The following FSTL5 variants were observed in gnomAD, a reference collection of about 807,000 sequenced individuals.
FSTL5 encodes the protein follistatin like 5, also known as follistatin-related protein 5.
In FSTL5, 62 loss-of-function variants were observed where a neutral mutation model predicts 89.1. The observed-to-expected ratio is 0.70, with a 90% CI of 0.57 to 0.86. The LOEUF (loss-of-function observed/expected upper bound fraction) is 0.86, where lower values mean the gene tolerates loss of function less well. Among genes scored for constraint, FSTL5 ranks in the 40% least tolerant of loss-of-function variants. FSTL5 has a pLI of 0.00. For missense variants in FSTL5, 1,057 were observed against 1,001.6 expected (o/e 1.06, Z -0.75); for synonymous variants, 383 against 346.2 (o/e 1.11, Z -1.18).
intron 8 of FSTL5, among the ~76,000 whole-genome samples, chr4:161,549,455 T>TGTAGCCGGGTGA (rs1167191420): frequency 2.2e-4 from 34 of 151,886 alleles, no homozygotes; most frequent in Non-Finnish European, 4.9e-4. Flanking sequence ...AATTCCCTGA[T>TGTAGCCGGGTGA]GTAGCCGGGT....
chr4:161,864,640 G>C (rs541115748), intron 4 of FSTL5, among the ~76,000 whole-genome samples: 33 of 152,174 alleles, frequency 2.2e-4, no homozygotes, highest in African/African-American at 5.5e-4. Context: ...GGGAGACTGA[G>C]GTGGACAGAT....
At chr4:161,648,432 A>T (rs1300323966) in intron 7 of FSTL5, among the ~76,000 whole-genome samples, 1 of 152,148 alleles carries the variant, frequency 6.6e-6, no homozygotes, top group Non-Finnish European at 1.5e-5. Context: ...TGTTAAGTGG[A>T]CAAGGGAACT....
intron 4 of FSTL5, among the ~76,000 whole-genome samples, chr4:161,897,279 T>C (rs1324547454): frequency 6.6e-6 from 1 of 151,762 alleles, no homozygotes; most frequent in East Asian, 1.9e-4. Context: ...GATTTATATA[T>C]TCTAATGGTA....
chr4:161,533,131 C>T (rs1026209620), intron 10 of FSTL5, among the ~76,000 whole-genome samples: 6 of 149,772 alleles, frequency 4.0e-5, no homozygotes, highest in African/African-American at 7.4e-5. Flanking sequence ...GTTAGAAAGA[C>T]CTCAAGTTAG....
chr4:161,809,395 T>C (rs1001524443), intron 4 of FSTL5, among the ~76,000 whole-genome samples: 2 of 152,156 alleles, frequency 1.3e-5, no homozygotes, highest in African/African-American at 4.8e-5. Flanking sequence ...GAATGTAAAA[T>C]GATGAAGCTG....
chr4:162,080,085 T>A (rs977044027), intron 2 of FSTL5, among the ~76,000 whole-genome samples: 26 of 151,592 alleles, frequency 1.7e-4, no homozygotes, highest in African/African-American at 6.0e-4. Context: ...TTTGTGCTAC[T>A]TCACATGAGC....
At chr4:161,762,136 A>G (rs1323526800) in intron 5 of FSTL5, among the ~76,000 whole-genome samples, 2 of 152,038 alleles carry the variant, frequency 1.3e-5, no homozygotes, top group East Asian at 3.9e-4. Context: ...TGGTTTAGGT[A>G]CCCAGAATTT....
In FSTL5 at chr4:161,682,077, T is replaced by C. The variant is rs569047455; in HGVS notation, c.728-25583A>G. ...CAATTGTAACACAATGGACAGCATT[T>C]GTGTATCTAAATATTTCTAAACATA... On this transcript the variant is annotated intron_variant, in intron 6 of 15. Transcript: ENST00000306100. 7.2e-5 allele frequency among the ~76,000 whole-genome samples: 11 copies of C among 152,314 alleles called. No individual in the cohort carries two copies. In the East Asian group the frequency reaches 2.1e-3, roughly 29 times the overall value.
intron 1 of FSTL5, among the ~76,000 whole-genome samples, chr4:162,140,729 G>A (rs1277854226): frequency 2.0e-5 from 3 of 152,122 alleles, no homozygotes; most frequent in Non-Finnish European, 2.9e-5. Context: ...TAGAAATAGC[G>A]CTGACTTGTT....
intron 12 of FSTL5, among the ~76,000 whole-genome samples, chr4:161,494,312 A>G (rs560938418): frequency 4.3e-4 from 65 of 152,280 alleles, no homozygotes; most frequent in African/African-American, 1.4e-3. Flanking sequence ...GTTGTATTCA[A>G]AAGGTTACTC....
At chr4:161,462,594 A>G (rs552519507) in intron 13 of FSTL5, among the ~76,000 whole-genome samples, 6 of 152,298 alleles carry the variant, frequency 3.9e-5, no homozygotes, top group South Asian at 2.1e-4. Flanking sequence ...TTTTTCTACA[A>G]TAAAATGGAG....
At chr4:162,036,093 G>C (rs987704866) in intron 2 of FSTL5, among the ~76,000 whole-genome samples, 1 of 151,950 alleles carries the variant, frequency 6.6e-6, no homozygotes, top group African/African-American at 2.4e-5. Context: ...CTTCCATATA[G>C]CTCATTCTTT....
rs374825076 is a variant in FSTL5, at chr4:162,124,035, G to T, written c.-16-12623C>A. ...CAAAAAATACACTAATCTAGGTAGAGTATTCAGATGAGTTCAGAAAATATA... is the reference window on the plus strand; with the variant it reads ...CAAAAAATACACTAATCTAGGTAGATTATTCAGATGAGTTCAGAAAATATA... On this transcript the variant is annotated intron_variant, in intron 1 of 15. Coordinates refer to ENST00000306100, the MANE Select transcript of FSTL5 (RefSeq NM_020116.5). Among the ~76,000 whole-genome samples the T allele has an allele frequency of 2.6e-5, 4 of 152,242 alleles. No individual in the cohort carries two copies. The East Asian group carries it at 5.8e-4, about 22-fold the overall frequency.
chr4:161,680,511 C>CT lies in FSTL5; in HGVS notation c.728-24018dup, dbSNP rs11373017. 5.9e-3 allele frequency among the ~76,000 whole-genome samples: 893 copies of CT among 152,016 alleles called. 9 individuals are homozygous for CT. Among genetic ancestry groups the CT allele is most frequent in the South Asian group, 0.045 (217 of 4,818 alleles). On this transcript the variant is annotated intron_variant, in intron 6 of 15. Transcript: ENST00000306100. Reference sequence around the variant, plus strand: ...AAGTGACAACAACTTTAACTTTTCTCTTTTTGTTCGTTTGTTTTTGTCTTT... The same window carrying CT: ...AAGTGACAACAACTTTAACTTTTCTCTTTTTTGTTCGTTTGTTTTTGTCTTT...
chr4:161,725,840 A>T (rs1274414940), intron 6 of FSTL5, among the ~76,000 whole-genome samples: 1 of 152,222 alleles, frequency 6.6e-6, no homozygotes, highest in Non-Finnish European at 1.5e-5. Context: ...GTATTATTAG[A>T]TTGGTGCAAA....
In FSTL5 at chr4:161,510,554, T is replaced by A. The variant is rs1730619361; in HGVS notation, c.1313-130A>T. On this transcript the variant is annotated intron_variant, in intron 10 of 15. Transcript: ENST00000306100. ...AATGTGTATATAAACGTAGTGAAGT[T>A]AATTCAGTGAGCTACTTTAAATTAA... is the stretch of plus-strand genomic sequence containing the variant. 11 of 507,270 alleles carry A rather than the reference T, an allele frequency of 2.2e-5. 1 individual carries two copies. The South Asian group carries it at 4.3e-4, about 20-fold the overall frequency. The allele number at this position is 507,270 out of a possible 1,614,324, so 31.4% of individuals were successfully genotyped here.
In FSTL5 at chr4:162,007,123, T is replaced by C. The variant is rs74971446; in HGVS notation, c.160+26502A>G. Among the ~76,000 whole-genome samples the C allele has an allele frequency of 0.017, 2,572 of 151,886 alleles. 139 individuals are homozygous for C. The East Asian group carries it at 0.19, about 11-fold the overall frequency. On this transcript the variant is annotated intron_variant, in intron 3 of 15. Coordinates refer to ENST00000306100, the MANE Select transcript of FSTL5 (RefSeq NM_020116.5). ...TCATCAGTGGTTGATAAAATATAAG[T>C]TGTTATAAAGAAAATTTTAAAAAGA...
intron 3 of FSTL5, among the ~76,000 whole-genome samples, chr4:161,977,633 A>ATAATAATAATAATAAT (rs751132063): frequency 1.8e-5 from 2 of 112,556 alleles, no homozygotes; most frequent in Non-Finnish European, 1.7e-5. Flanking sequence ...AAAAAAAAAA[A>ATAATAATAATAATAAT]AAAAAAAATA....
intron 4 of FSTL5, among the ~76,000 whole-genome samples, chr4:161,915,067 T>A (rs1333319160): frequency 6.6e-6 from 1 of 152,212 alleles, no homozygotes; most frequent in Non-Finnish European, 1.5e-5. Context: ...ATGGGAAGCC[T>A]CTGCCCTTTG....
Sources: allele counts gnomAD v4.1 joint callset (sites outside exome capture counted in the v4.1 genomes callset), GRCh38; gene constraint gnomAD v4.1.1; transcripts MANE v1.5; gene names NCBI Gene and HGNC (gene_info 2026-07-23, HGNC 2026-07-21).